NCOA1: variants seen among roughly 807,000 people sequenced by gnomAD.
NCOA1 encodes nuclear receptor coactivator 1.
NCOA1 carries 35 observed loss-of-function variants against 150.9 expected under a neutral mutation model. That is an observed-to-expected ratio of 0.23 (90% CI 0.18 to 0.31). The LOEUF (loss-of-function observed/expected upper bound fraction) is 0.31. Among genes scored for constraint, NCOA1 ranks in the 10% least tolerant of loss-of-function variants. NCOA1 has a pLI of 1.00. For missense variants in NCOA1, 1,491 were observed against 1,749.3 expected (o/e 0.85, Z 2.63); for synonymous variants, 590 against 630.0 (o/e 0.94, Z 0.95).
intron 3 of NCOA1, among the ~76,000 whole-genome samples, chr2:24,598,639 A>G (rs918416331): frequency 6.6e-5 from 10 of 152,180 alleles, no homozygotes; most frequent in African/African-American, 2.2e-4. Flanking sequence ...ACTGGCAAAG[A>G]GCGTTGCATA....
intron 4 of NCOA1, among the ~76,000 whole-genome samples, chr2:24,656,080 T>C (rs1572549822): frequency 8.7e-6 from 1 of 114,474 alleles, no homozygotes; most frequent in Non-Finnish European, 1.7e-5. Flanking sequence ...AGAGCGAGAC[T>C]CCGTCTCAAA....
intron 3 of NCOA1, among the ~76,000 whole-genome samples, chr2:24,590,989 G>A (rs1209110456): frequency 6.6e-6 from 1 of 152,128 alleles, no homozygotes; most frequent in Non-Finnish European, 1.5e-5. Flanking sequence ...ACCTAGTGGA[G>A]CACCTGTCAT....
intron 1 of NCOA1, among the ~76,000 whole-genome samples, chr2:24,555,585 A>G (rs1160087490): frequency 6.6e-6 from 1 of 152,148 alleles, no homozygotes; most frequent in African/African-American, 2.4e-5. Context: ...GGATTTGCCT[A>G]TTTCTCTTTA....
chr2:24,766,233 A>G (rs1665058493), intron 22 of NCOA1, among the ~76,000 whole-genome samples: 1 of 152,196 alleles, frequency 6.6e-6, no homozygotes, highest in South Asian at 2.1e-4. Context: ...ATTTTTAAAG[A>G]AGCAGAACTT....
chr2:24,586,602 G>GC (rs1263331901), intron 3 of NCOA1, among the ~76,000 whole-genome samples: 6 of 151,986 alleles, frequency 3.9e-5, no homozygotes, highest in Non-Finnish European at 7.4e-5. Context: ...CCCAGAGTAT[G>GC]CCCAGCTAAT....
At chr2:24,692,367 C>T (rs1672704877) in intron 9 of NCOA1, among the ~76,000 whole-genome samples, 1 of 152,162 alleles carries the variant, frequency 6.6e-6, no homozygotes, top group Non-Finnish European at 1.5e-5. Context: ...CATGCCAAAT[C>T]TTACTTGATT....
chr2:24,520,457 C>G (rs1045077179), intron 1 of NCOA1, among the ~76,000 whole-genome samples: 11 of 152,090 alleles, frequency 7.2e-5, no homozygotes, highest in African/African-American at 2.7e-4. Context: ...GAATGAATAT[C>G]AAAATAATTA....
At chr2:24,745,306 C>T (rs1409187546) in intron 19 of NCOA1, among the ~76,000 whole-genome samples, 2 of 151,734 alleles carry the variant, frequency 1.3e-5, no homozygotes, top group South Asian at 2.1e-4. Flanking sequence ...GGACTACAGG[C>T]GCCCACTACC....
intron 19 of NCOA1, among the ~76,000 whole-genome samples, chr2:24,746,956 C>T (rs1242971955): frequency 2.6e-5 from 4 of 152,094 alleles, no homozygotes; most frequent in Non-Finnish European, 5.9e-5. Flanking sequence ...TAAACCCTAT[C>T]TAGTGAAAGA....
chr2:24,634,791 A>G (rs1473735771), intron 3 of NCOA1, among the ~76,000 whole-genome samples: 1 of 141,756 alleles, frequency 7.1e-6, no homozygotes, highest in Non-Finnish European at 1.5e-5. Context: ...AGCTTGCAGC[A>G]GCCTTCAACC....
chr2:24,649,963 GA>G (rs933194080), intron 4 of NCOA1, among the ~76,000 whole-genome samples: 8 of 151,982 alleles, frequency 5.3e-5, no homozygotes, highest in Non-Finnish European at 1.2e-4. Flanking sequence ...GACTGCACAG[GA>G]TTCTCTTTTA....
intron 1 of NCOA1, chr2:24,491,932 G>A (rs1662982150): frequency 6.6e-6 from 1 of 151,864 alleles, no homozygotes; most frequent in South Asian, 2.1e-4. Flanking sequence ...TGCGAGCTGC[G>A]CGGCCGCCTG....
At chr2:24,757,911 T>C in intron 20 of NCOA1, 62 bp from the exon 21 acceptor site, 3 of 1,513,792 alleles carry the variant, frequency 2.0e-6, no homozygotes, top group South Asian at 2.4e-5. Flanking sequence ...AAACAGAATC[T>C]AGTCATATAT....
At position 24,575,322 on chromosome 2, in the gene NCOA1, A is replaced by G. The variant is rs887061053; in HGVS notation, c.-259-9154A>G. Reference sequence around the variant, plus strand: ...ATTTCTAGAAGCTCCAATTGGGCCTAAAAACAGTCTTGCATTTCTGTGTTC... The same window carrying G: ...ATTTCTAGAAGCTCCAATTGGGCCTGAAAACAGTCTTGCATTTCTGTGTTC... On this transcript the variant is annotated intron_variant, in intron 2 of 22. Transcript: ENST00000348332. Among the ~76,000 whole-genome samples, 4 of 152,278 alleles carry G rather than the reference A, an allele frequency of 2.6e-5. No homozygotes were observed. In the South Asian group the frequency reaches 8.3e-4, roughly 32 times the overall value.
intron 10 of NCOA1, among the ~76,000 whole-genome samples, chr2:24,696,939 G>A (rs927661131): frequency 1.9e-4 from 29 of 151,856 alleles, no homozygotes; most frequent in African/African-American, 6.3e-4. Context: ...TCTGTAAAAC[G>A]TAATAAAACA....
chr2:24,585,944 A>G (rs948102859), intron 3 of NCOA1, among the ~76,000 whole-genome samples: 1 of 151,002 alleles, frequency 6.6e-6, no homozygotes, highest in Non-Finnish European at 1.5e-5. Context: ...AAAAGTAAAC[A>G]TATGAAGGAT....
At chr2:24,514,342 A>AT (rs1558756079) in intron 1 of NCOA1, among the ~76,000 whole-genome samples, 24 of 150,918 alleles carry the variant, frequency 1.6e-4, no homozygotes, top group South Asian at 4.2e-4. Flanking sequence ...AAAATAGCAA[A>AT]ATTTTTTTAT....
chr2:24,714,859 A>G (rs1434351103), intron 14 of NCOA1, among the ~76,000 whole-genome samples: 3 of 152,090 alleles, frequency 2.0e-5, no homozygotes, highest in Non-Finnish European at 2.9e-5. Flanking sequence ...CCCAAGCAAA[A>G]TAAACACAAA....
chr2:24,510,667 G>C (rs1157864263), intron 1 of NCOA1, among the ~76,000 whole-genome samples: 1 of 151,714 alleles, frequency 6.6e-6, no homozygotes, highest in Admixed American at 6.6e-5. Flanking sequence ...CTATATTTTC[G>C]GTAAACTTTG....
Sources: gnomAD v4.1 joint callset for allele counts (sites outside exome capture counted in the v4.1 genomes callset) on GRCh38, gnomAD v4.1.1 for gene constraint, MANE v1.5 for transcripts, NCBI Gene and HGNC (gene_info 2026-07-23, HGNC 2026-07-21) for gene names.